Variants in ITPKC observed in about 807,000 individuals in gnomAD.
ITPKC encodes the protein inositol-trisphosphate 3-kinase C.
Under a neutral mutation model 67.1 loss-of-function variants are expected in ITPKC, and 33 were observed. The observed-to-expected ratio is 0.49, with a 90% confidence interval of 0.37 to 0.66. The LOEUF (loss-of-function observed/expected upper bound fraction) is 0.66, where lower values mean the gene tolerates loss of function less well. Ranked by LOEUF, ITPKC falls within the 30% of genes least tolerant of loss-of-function variation. ITPKC has a pLI of 0.00. For missense variants in ITPKC, 820 were observed against 892.1 expected (o/e 0.92, Z 1.03); for synonymous variants, 341 against 359.8 (o/e 0.95, Z 0.59).
At chr19:40,734,704 G>A (rs2082286795) in intron 4 of ITPKC, among the ~76,000 whole-genome samples, 1 of 150,792 alleles carries the variant, frequency 6.6e-6, no homozygotes, top group Admixed American at 6.6e-5. Context: ...CACCTCTTGG[G>A]TTCAAGCGAT....
chr19:40,725,494 G>A lies in ITPKC; in HGVS notation c.1255+55G>A, dbSNP rs2082242653. On this transcript the variant is annotated intron_variant, in intron 2 of 6. Transcript: ENST00000263370. The stretch of plus-strand genomic sequence containing the variant: ...GCAGAGTCTCCTGGGCCAGGGAAAG[G>A]GATGTTCTCTGTAGTTTAGTTCCCC... The A allele has an allele frequency of 2.5e-6, 3 of 1,212,178 alleles. No individual in the cohort carries two copies. In the Admixed American group the frequency reaches 5.1e-5, roughly 20 times the overall value. The allele number at this position is 1,212,178 out of a possible 1,614,324, so 75.1% of individuals were successfully genotyped here. A position where few individuals can be genotyped will look rare whatever the true frequency, so the allele number is the denominator to read the frequency against.
At position 40,739,386 on chromosome 19, in the gene ITPKC, C is replaced by T. The variant is rs201169045; in HGVS notation, c.1878C>T (p.His626=). Residue 626 remains histidine, a synonymous_variant, in exon 7 of 7, where the codon CAC becomes CAT. Coordinates refer to ENST00000263370, the MANE Select transcript of ITPKC (RefSeq NM_025194.3). ...EVVGSSLLFV[H]DHTGLAKVWM... is the part of the protein sequence containing the mutation. ...TAGGCAGCTCCCTCCTCTTCGTGCA[C>T]GACCACACCGGCCTGGCCAAGGTCT... The T allele has an allele frequency of 1.8e-5, 29 of 1,613,772 alleles. No homozygotes were observed. The Admixed American group carries it at 2.2e-4, about 12-fold the overall frequency.
rs1179701180 is a variant in ITPKC at position 40,740,559 on chromosome 19, TCCAAA to T, written c.*1005_*1009del. 4.8e-6 allele frequency: 1 copy of T among 208,790 alleles called. No homozygotes were observed. The highest frequency in any genetic ancestry group is 9.6e-6 in the Non-Finnish European group (1 of 104,568). The allele number at this position is 208,790 out of a possible 1,614,324, so 12.9% of individuals were successfully genotyped here. A position where few individuals can be genotyped will look rare whatever the true frequency, so the allele number is the denominator to read the frequency against. On this transcript the variant is annotated 3_prime_UTR_variant, in exon 7 of 7. Transcript: ENST00000263370. ...GCCAGGACCCTGGCCTGCAGCCTGA[TCCAAA>T]CCAAAGACTGTAGAACCCTGGGGTG...
At chr19:40,718,853 C>G (rs2082207181) in intron 1 of ITPKC, among the ~76,000 whole-genome samples, 1 of 152,168 alleles carries the variant, frequency 6.6e-6, no homozygotes. Flanking sequence ...TGACCCCAAA[C>G]GCCAAAGGAT....
intron 4 of ITPKC, 92 bp from the exon 5 acceptor site, chr19:40,736,894 G>A (rs1048646366): frequency 1.1e-5 from 8 of 761,610 alleles, no homozygotes; most frequent in Middle Eastern, 3.4e-4. Flanking sequence ...TGGCCACCGC[G>A]CCCGGCCTCC....
At chr19:40,738,102 T>A (rs1200500781) in intron 6 of ITPKC, among the ~76,000 whole-genome samples, 1 of 150,558 alleles carries the variant, frequency 6.6e-6, no homozygotes, top group Non-Finnish European at 1.5e-5. Context: ...GAGGCCAGCC[T>A]GGCCAACATG....
At chr19:40,731,247 G>A (rs1392136247) in intron 3 of ITPKC, among the ~76,000 whole-genome samples, 1 of 152,184 alleles carries the variant, frequency 6.6e-6, no homozygotes, top group East Asian at 1.9e-4. Context: ...TCCACCTCCT[G>A]TCAGACTAGC....
At chr19:40,733,838 GA>G (rs371557390) in intron 4 of ITPKC, among the ~76,000 whole-genome samples, 1 of 152,212 alleles carries the variant, frequency 6.6e-6, no homozygotes, top group African/African-American at 2.4e-5. Flanking sequence ...AGGATTGCTT[GA>G]GGCCAGGAGT....
At chr19:40,719,088 G>C (rs1049890206) in intron 1 of ITPKC, among the ~76,000 whole-genome samples, 8 of 152,170 alleles carry the variant, frequency 5.3e-5, no homozygotes, top group Non-Finnish European at 1.0e-4. Context: ...CCGTGGGGCT[G>C]GGAGCCGAGT....
chr19:40,717,320 C>A lies in ITPKC; in HGVS notation c.185C>A (p.Thr62Lys). Residue 62 changes from threonine (T) to lysine (K), a missense_variant, in exon 1 of 7, where the codon ACA (threonine) becomes AAA (lysine). By Grantham distance (78) the Thr-to-Lys change is moderately conservative. Coordinates refer to ENST00000263370, the MANE Select transcript of ITPKC (RefSeq NM_025194.3). The part of the protein sequence containing the change: ...RPEGGGPWAR[T>K]EGSSLHSEPE... ...GAGGGGGGCGGGCCCTGGGCCCGGA[C>A]AGAGGGGTCCAGCCTCCACAGCGAG... is the stretch of plus-strand genomic sequence containing the variant. 1 of 1,587,048 alleles carries A rather than the reference C, an allele frequency of 6.3e-7. No individual in the cohort carries two copies. The highest frequency in any genetic ancestry group is 8.5e-7 in the Non-Finnish European group (1 of 1,169,594).
At position 40,740,702 on chromosome 19, in the gene ITPKC, G is replaced by T; in HGVS notation, c.*1142G>T. 2.9e-6 allele frequency: 1 copy of T among 349,170 alleles called. No individual in the cohort carries two copies. Among genetic ancestry groups the T allele is most frequent in the Non-Finnish European group, 5.2e-6 (1 of 194,100 alleles). The allele number at this position is 349,170 out of a possible 1,614,324, so 21.6% of individuals were successfully genotyped here. A position where few individuals can be genotyped will look rare whatever the true frequency, so the allele number is the denominator to read the frequency against. ...CTGAAGCTCCCACACTGTCTTCCAG[G>T]GCTGAGGAGATGCTCTCCTTTTCTA... On this transcript the variant is annotated 3_prime_UTR_variant, in exon 7 of 7. Coordinates refer to ENST00000263370, the MANE Select transcript of ITPKC (RefSeq NM_025194.3).
At position 40,739,512 on chromosome 19, in the gene ITPKC, G is replaced by C; in HGVS notation, c.2004G>C (p.Trp668Cys). The change falls in exon 7 of 7, where the codon TGG becomes TGC. Residue 668 changes from tryptophan to cysteine, a missense_variant. Transcript: ENST00000263370. ...AEGNREDGYL[W>C]GLDNMICLLQ... ...GCAACCGTGAGGACGGCTACCTCTG[G>C]GGCCTGGACAACATGATCTGCCTCC... 1.2e-6 allele frequency: 2 copies of C among 1,613,750 alleles called. No individual in the cohort carries two copies. The highest frequency in any genetic ancestry group is 1.1e-5 in the South Asian group (1 of 91,070).
intron 5 of ITPKC, 90 bp from the exon 6 acceptor site, chr19:40,737,608 C>A: frequency 8.6e-7 from 1 of 1,166,342 alleles, no homozygotes; most frequent in South Asian, 1.2e-5. Context: ...CTGCCTGCTC[C>A]TTTGGGGGAA....
chr19:40,731,198 G>T (rs1355292747), intron 3 of ITPKC, among the ~76,000 whole-genome samples: 21 of 152,180 alleles, frequency 1.4e-4, no homozygotes, highest in Non-Finnish European at 3.1e-4. Context: ...TAGGAACGGG[G>T]CCCCACCGTA....
chr19:40,733,417 C>T, intron 4 of ITPKC, 53 bp downstream of exon 4: 2 of 1,515,628 alleles, frequency 1.3e-6, no homozygotes, highest in Non-Finnish European at 1.8e-6. Flanking sequence ...AGCCAGATCC[C>T]AGGCAGGGCT....
intron 3 of ITPKC, among the ~76,000 whole-genome samples, chr19:40,732,622 G>T (rs909373182): frequency 6.6e-6 from 1 of 151,672 alleles, no homozygotes; most frequent in Non-Finnish European, 1.5e-5. Flanking sequence ...AACTAACACC[G>T]GGTCTCGCTA....
chr19:40,717,764 G>T lies in ITPKC; in HGVS notation c.629G>T (p.Gly210Val), dbSNP rs1599645051. Residue 210 changes from glycine to valine, a missense_variant, in exon 1 of 7, where the codon GGA becomes GTA. Gly to Val is a moderately radical substitution (Grantham distance 109). Around this residue, in one of 2 missense-constraint regions of ITPKC, gnomAD observed 481 missense variants for 470.1 expected, o/e 1.02. Transcript: ENST00000263370. ...TCCAGCCTCCAGACTCACCCAGAAG[G>T]AGCCTGTCCCTCAAAAGAGCCAAGT... is the stretch of plus-strand genomic sequence containing the variant. ...NSSSLQTHPE[G>V]ACPSKEPSAD... is the part of the protein sequence containing the mutation. The T allele has an allele frequency of 6.2e-7, 1 of 1,613,946 alleles. No individual in the cohort carries two copies. The highest frequency in any genetic ancestry group is 1.7e-5 in the Admixed American group (1 of 59,976).
chr19:40,733,408 GCCAGAT>G, intron 4 of ITPKC, 44 bp downstream of exon 4: 1 of 1,543,038 alleles, frequency 6.5e-7, no homozygotes. Context: ...AAGGCCTATA[GCCAGAT>G]CCCAGGCAGG....
At position 40,740,484 on chromosome 19, in the gene ITPKC, G is replaced by C. The variant is rs878871795; in HGVS notation, c.*924G>C. 4.7e-6 allele frequency: 1 copy of C among 210,674 alleles called. No individual in the cohort carries two copies. The highest frequency in any genetic ancestry group is 1.9e-4 in the South Asian group (1 of 5,360). The allele number at this position is 210,674 out of a possible 1,614,324, so 13.1% of individuals were successfully genotyped here. On this transcript the variant is annotated 3_prime_UTR_variant, in exon 7 of 7. Transcript: ENST00000263370. ...CCCCATCCAATCCCGGGCCCCTGCA[G>C]GGAAAAGCGCTGGGTGTGTGTCAGA...
Sources: gnomAD v4.1 joint callset for allele counts (sites outside exome capture counted in the v4.1 genomes callset) on GRCh38, gnomAD v4.1.1 for gene constraint, gnomAD v4.1.1 regional missense constraint, MANE v1.5 for transcripts, NCBI Gene and HGNC (gene_info 2026-07-23, HGNC 2026-07-21) for gene names.